The following ZNF385D variants were observed in gnomAD, a reference collection of about 807,000 sequenced individuals.
The protein encoded by ZNF385D is zinc finger protein 385D.
A neutral mutation model predicts 35.8 loss-of-function variants in ZNF385D; 15 were observed. The ratio of observed to expected loss-of-function variants is 0.42; its 90% confidence interval spans 0.28 to 0.64. The LOEUF is 0.64. ZNF385D is among the 30% of genes least tolerant of loss of function. ZNF385D has a pLI of 0.23. For missense variants in ZNF385D, 474 were observed against 494.6 expected (o/e 0.96, Z 0.39); for synonymous variants, 212 against 186.8 (o/e 1.13, Z -1.10).
intron 2 of ZNF385D, among the ~76,000 whole-genome samples, chr3:22,335,655 G>C (rs1695129344): frequency 6.6e-6 from 1 of 152,102 alleles, no homozygotes; most frequent in African/African-American, 2.4e-5. Context: ...TGTTCCTGAT[G>C]GTCTTTGCCT....
chr3:21,964,732 T>G (rs944489852), intron 3 of ZNF385D, among the ~76,000 whole-genome samples: 25 of 152,050 alleles, frequency 1.6e-4, no homozygotes. Flanking sequence ...CCTCAGGTGA[T>G]CCACCTGCCT....
chr3:21,942,070 T>C (rs1174598900), intron 3 of ZNF385D, among the ~76,000 whole-genome samples: 1 of 152,080 alleles, frequency 6.6e-6, no homozygotes, highest in African/African-American at 2.4e-5. Context: ...CAAATGTATA[T>C]GTTATAGCTA....
At chr3:22,119,967 C>G (rs1346503055) in intron 3 of ZNF385D, among the ~76,000 whole-genome samples, 2 of 150,268 alleles carry the variant, frequency 1.3e-5, no homozygotes, top group Non-Finnish European at 3.0e-5. Flanking sequence ...CAGGCATGCT[C>G]CAACATACTC....
chr3:22,221,021 G>A (rs1294146145), intron 2 of ZNF385D, among the ~76,000 whole-genome samples: 1 of 151,812 alleles, frequency 6.6e-6, no homozygotes, highest in Non-Finnish European at 1.5e-5. Flanking sequence ...TCTACATATG[G>A]TAGCTTGATT....
chr3:21,426,685 G>A (rs753033728), intron 5 of ZNF385D, among the ~76,000 whole-genome samples: 53 of 152,044 alleles, frequency 3.5e-4, no homozygotes, highest in Non-Finnish European at 6.5e-4. Flanking sequence ...TAGATTGTAC[G>A]TTCGGCAACC....
At chr3:21,495,671 C>G (rs1245023096) in intron 4 of ZNF385D, among the ~76,000 whole-genome samples, 2 of 151,956 alleles carry the variant, frequency 1.3e-5, no homozygotes, top group Non-Finnish European at 2.9e-5. Flanking sequence ...AGCCCCAAAA[C>G]TGGCAGAAGA....
chr3:22,330,988 A>G (rs531859463), intron 2 of ZNF385D, among the ~76,000 whole-genome samples: 3 of 152,314 alleles, frequency 2.0e-5, no homozygotes, highest in African/African-American at 7.2e-5. Context: ...CTACACATGA[A>G]TTTTAACTCT....
chr3:22,143,059 TTGTGTGTGTGTGTGTGTGTGTGTGTG>T (rs57448532), intron 3 of ZNF385D, among the ~76,000 whole-genome samples: 2 of 140,916 alleles, frequency 1.4e-5, no homozygotes, highest in Non-Finnish European at 3.0e-5. Context: ...ATTAAATCGG[TTGTGTGTGTGTGTGTGTGTGTGTGTG>T]TGTGTGTGTG....
At chr3:22,246,790 C>T (rs1005449992) in intron 2 of ZNF385D, among the ~76,000 whole-genome samples, 4 of 152,066 alleles carry the variant, frequency 2.6e-5, no homozygotes, top group African/African-American at 9.7e-5. Context: ...TACATGTTCC[C>T]ACTCTTAAGC....
intron 3 of ZNF385D, among the ~76,000 whole-genome samples, chr3:21,831,008 G>A (rs907375531): frequency 8.5e-5 from 13 of 152,158 alleles, no homozygotes; most frequent in Non-Finnish European, 1.6e-4. Flanking sequence ...AAAACCAAAT[G>A]AGTCAGGTTC....
chr3:22,178,302 T>A (rs966151576), intron 2 of ZNF385D, among the ~76,000 whole-genome samples: 4 of 152,212 alleles, frequency 2.6e-5, no homozygotes, highest in African/African-American at 9.7e-5. Flanking sequence ...TGGCATCTCA[T>A]TGTGGTTTTG....
At chr3:21,627,683 G>A (rs764974866) in intron 2 of ZNF385D, among the ~76,000 whole-genome samples, 15 of 152,100 alleles carry the variant, frequency 9.9e-5, no homozygotes, top group Non-Finnish European at 2.2e-4. Context: ...TAGGCAATGT[G>A]CAATAGTATG....
At chr3:21,815,893 G>C (rs1473966941) in intron 3 of ZNF385D, among the ~76,000 whole-genome samples, 10 of 152,108 alleles carry the variant, frequency 6.6e-5, no homozygotes, top group Non-Finnish European at 1.2e-4. Context: ...GAGAATTTTA[G>C]ACCAATATCC....
At chr3:22,372,046 A>C (rs779548055) in intron 2 of ZNF385D, among the ~76,000 whole-genome samples, 3 of 152,012 alleles carry the variant, frequency 2.0e-5, no homozygotes, top group African/African-American at 7.2e-5. Flanking sequence ...CACACACCCA[A>C]TGAAAGACAG....
chr3:21,611,124 T>C (rs9810611), intron 2 of ZNF385D, among the ~76,000 whole-genome samples: 33,905 of 152,166 alleles, frequency 0.22, 5,207 homozygotes, highest in African/African-American at 0.44. Flanking sequence ...ATCACATACA[T>C]GTAATCACAT....
chr3:22,012,542 C>T (rs1001639296), intron 3 of ZNF385D, among the ~76,000 whole-genome samples: 6 of 151,996 alleles, frequency 3.9e-5, no homozygotes, highest in African/African-American at 1.4e-4. Context: ...ATAAATATTA[C>T]CCCTAGATTG....
chr3:21,796,033 G>C (rs1489899156), intron 3 of ZNF385D, among the ~76,000 whole-genome samples: 1 of 152,186 alleles, frequency 6.6e-6, no homozygotes, highest in African/African-American at 2.4e-5. Flanking sequence ...TCATAGCAGA[G>C]TCCAGAAAAC....
At chr3:21,934,561 CAGATGT>C in intron 3 of ZNF385D, among the ~76,000 whole-genome samples, 1 of 152,158 alleles carries the variant, frequency 6.6e-6, no homozygotes, top group African/African-American at 2.4e-5. Context: ...ATGCAAAACA[CAGATGT>C]AGCTTTAACT....
intron 2 of ZNF385D, among the ~76,000 whole-genome samples, chr3:22,313,299 A>C (rs1284072500): frequency 6.6e-6 from 1 of 151,862 alleles, no homozygotes; most frequent in Non-Finnish European, 1.5e-5. Flanking sequence ...ACCTAATGCT[A>C]AATGACGAGT....
Sources: gnomAD v4.1 joint callset for allele counts (sites outside exome capture counted in the v4.1 genomes callset) on GRCh38, gnomAD v4.1.1 for gene constraint, MANE v1.5 for transcripts, NCBI Gene and HGNC (gene_info 2026-07-23, HGNC 2026-07-21) for gene names.